The following BICD1 variants were observed in gnomAD, a reference collection of about 807,000 sequenced individuals.
BICD1 encodes the protein BICD cargo adaptor 1.
A neutral mutation model predicts 92.5 loss-of-function variants in BICD1; 35 were observed. That is an observed-to-expected ratio of 0.38 (90% CI 0.29 to 0.50). The LOEUF (loss-of-function observed/expected upper bound fraction) is 0.50, where lower values mean the gene tolerates loss of function less well. Ranked by LOEUF, BICD1 falls within the 20% of genes least tolerant of loss-of-function variation. BICD1 has a pLI of 0.93. For synonymous variants in BICD1, 429 were observed against 465.1 expected, an observed-to-expected ratio of 0.92 and a Z score of 1.00; for missense variants, 950 against 1,189.8, an observed-to-expected ratio of 0.80 and a Z score of 2.97.
At chr12:32,120,865 A>G (rs929924094) in intron 1 of BICD1, among the ~76,000 whole-genome samples, 23 of 92,242 alleles carry the variant, frequency 2.5e-4, no homozygotes, top group Non-Finnish European at 3.8e-4. Context: ...AAAATCAACC[A>G]TTAGAGAGAG....
chr12:32,130,190 A>C (rs886150861), intron 1 of BICD1, among the ~76,000 whole-genome samples: 4 of 151,154 alleles, frequency 2.6e-5, no homozygotes, highest in Non-Finnish European at 5.9e-5. Context: ...TTTAAATATG[A>C]TAATATACAG....
At chr12:32,287,843 G>A (rs1372000699) in intron 2 of BICD1, among the ~76,000 whole-genome samples, 1 of 152,162 alleles carries the variant, frequency 6.6e-6, no homozygotes, top group Admixed American at 6.5e-5. Context: ...GGCCTCGGCT[G>A]GGTGGTTCTT....
Position 32,328,575 on chromosome 12 carries a change from G to A in BICD1, c.2100+20G>A, listed in dbSNP as rs371155476. On this transcript the variant is annotated intron_variant, in intron 5 of 9. Transcript: ENST00000652176. The surrounding 1 kb of genome is among the most constrained non-coding windows in gnomAD (Gnocchi z 4.4). ...AAGCAGGTAATCTCATTCTACTGGT[G>A]AAAGCATGCCAGTCAAAGCTTTCTT... 2.5e-6 allele frequency: 4 copies of A among 1,594,968 alleles called. No homozygotes were observed. Among genetic ancestry groups the A allele is most frequent in the Non-Finnish European group, 3.4e-6 (4 of 1,168,768 alleles).
chr12:32,199,126 G>C (rs1399939299), intron 1 of BICD1, among the ~76,000 whole-genome samples: 2 of 152,096 alleles, frequency 1.3e-5, no homozygotes, highest in African/African-American at 4.8e-5. Flanking sequence ...TTATGAGTGA[G>C]AATACAACTT....
intron 2 of BICD1, among the ~76,000 whole-genome samples, chr12:32,267,160 A>G (rs536524167): frequency 6.6e-6 from 1 of 152,308 alleles, no homozygotes; most frequent in Admixed American, 6.5e-5. Flanking sequence ...TCGAAAGATC[A>G]CACACCTGAT....
chr12:32,292,955 A>G (rs898567835), intron 2 of BICD1, among the ~76,000 whole-genome samples: 7 of 152,210 alleles, frequency 4.6e-5, no homozygotes, highest in African/African-American at 1.7e-4. Context: ...TAAATATTTT[A>G]CTTAATTGAT....
chr12:32,367,670 A>G lies in BICD1; in HGVS notation c.2765A>G (p.Asp922Gly). 1 of 1,613,822 alleles carries G rather than the reference A, an allele frequency of 6.2e-7. No homozygotes were observed. The highest frequency in any genetic ancestry group is 8.5e-7 in the Non-Finnish European group (1 of 1,179,964). ...TGTCTAATTTATCAGTTTCTTGTAG[A>G]TTGTCAGCAGCCTGCTGCCTCCGTA... ...KEKRLTVAPP[D>G]CQQPAASVPP... Residue 922 changes from aspartate to glycine, a missense_variant and splice_region_variant, in exon 9 of 10, where the codon GAT (aspartate) becomes GGT (glycine). This residue lies in a region of BICD1 where 179 missense variants were observed against 186.7 expected (regional missense o/e 0.96). Transcript: ENST00000652176.
At chr12:32,182,873 TTTTCTTTTC>T (rs1279220188) in intron 1 of BICD1, among the ~76,000 whole-genome samples, 4 of 144,506 alleles carry the variant, frequency 2.8e-5, no homozygotes, top group African/African-American at 7.5e-5. Context: ...TTTCTTTTTC[TTTTCTTTTC>T]TTTCTTTCTT....
intron 2 of BICD1, among the ~76,000 whole-genome samples, chr12:32,276,613 C>T (rs985679671): frequency 2.0e-5 from 3 of 152,124 alleles, no homozygotes; most frequent in African/African-American, 7.2e-5. Context: ...TTTGGGTCCC[C>T]TCCCTTTGTA....
chr12:32,314,088 A>G (rs1320281395), intron 4 of BICD1, among the ~76,000 whole-genome samples: 3 of 152,244 alleles, frequency 2.0e-5, no homozygotes, highest in East Asian at 1.9e-4. Flanking sequence ...ATGCTGTAAT[A>G]TATCAGCACT....
intron 8 of BICD1, among the ~76,000 whole-genome samples, chr12:32,359,094 C>T (rs1012164590): frequency 6.6e-6 from 1 of 152,078 alleles, no homozygotes; most frequent in South Asian, 2.1e-4. Flanking sequence ...TTAACCATGG[C>T]GTGTTGATTT....
chr12:32,365,930 A>C (rs1007744945), intron 8 of BICD1, among the ~76,000 whole-genome samples: 2 of 152,220 alleles, frequency 1.3e-5, no homozygotes, highest in African/African-American at 4.8e-5. Flanking sequence ...TATATTTGAA[A>C]GATTTTTACT....
intron 2 of BICD1, among the ~76,000 whole-genome samples, chr12:32,271,387 T>C (rs528632192): frequency 3.3e-5 from 5 of 152,294 alleles, no homozygotes; most frequent in East Asian, 3.9e-4. Context: ...CTGAAGAAGG[T>C]TGACTGGGAG....
intron 1 of BICD1, among the ~76,000 whole-genome samples, chr12:32,130,244 G>C (rs571491084): frequency 6.7e-6 from 1 of 150,004 alleles, no homozygotes; most frequent in African/African-American, 2.5e-5. Context: ...TCGCTCTGTC[G>C]CCCAGGCTGG....
chr12:32,240,566 C>T (rs1250265131), intron 2 of BICD1, among the ~76,000 whole-genome samples: 1 of 152,172 alleles, frequency 6.6e-6, no homozygotes, highest in Non-Finnish European at 1.5e-5. Flanking sequence ...TGTGATTACA[C>T]TTAGGGTCTA....
Position 32,324,357 on chromosome 12 carries a change from AAAAAAAC to A in BICD1, c.1006-3097_1006-3091del, listed in dbSNP as rs1372366134. The stretch of plus-strand genomic sequence containing the variant: ...TGACAGAGCTAGACTCCATCTCAAA[AAAAAAAC>A]AAAAAAAAAAACTTAGGACACTGAG... On this transcript the variant is annotated intron_variant, in intron 4 of 9. Coordinates refer to ENST00000652176, the MANE Select transcript of BICD1 (RefSeq NM_001714.4). 2.5e-3 allele frequency among the ~76,000 whole-genome samples: 375 copies of A among 149,886 alleles called. 2 individuals are homozygous for A. Among genetic ancestry groups the A allele is most frequent in the Non-Finnish European group, 4.4e-3 (296 of 67,376 alleles).
At chr12:32,141,370 GTTA>G (rs1257976768) in intron 1 of BICD1, among the ~76,000 whole-genome samples, 1 of 151,874 alleles carries the variant, frequency 6.6e-6, no homozygotes, top group African/African-American at 2.4e-5. Flanking sequence ...TTGTGTTTTT[GTTA>G]TTAAGCTAAG....
intron 2 of BICD1, among the ~76,000 whole-genome samples, chr12:32,231,656 G>A (rs1208543993): frequency 6.6e-6 from 1 of 151,576 alleles, no homozygotes; most frequent in Non-Finnish European, 1.5e-5. Context: ...AGTTACATAT[G>A]TATACATGTG....
intron 1 of BICD1, among the ~76,000 whole-genome samples, chr12:32,163,946 T>C (rs1454483727): frequency 6.6e-6 from 1 of 152,204 alleles, no homozygotes; most frequent in Non-Finnish European, 1.5e-5. Context: ...AAAGCCAAAA[T>C]TAAAAACTAT....
Sources: allele counts gnomAD v4.1 joint callset (sites outside exome capture counted in the v4.1 genomes callset), GRCh38; gene constraint gnomAD v4.1.1; regional missense constraint gnomAD v4.1.1; non-coding constraint Gnocchi (gnomAD v3.1); transcripts MANE v1.5; gene names NCBI Gene and HGNC (gene_info 2026-07-23, HGNC 2026-07-21).